AFF3: variants seen among roughly 807,000 people sequenced by gnomAD.
The protein encoded by AFF3 is ALF transcription elongation factor 3, also known as AF4/FMR2 family member 3.
In AFF3, 32 loss-of-function variants were observed where a neutral mutation model predicts 129.7. That is an observed-to-expected ratio of 0.25 (90% CI 0.19 to 0.33). AFF3 has a LOEUF of 0.33. Ranked by LOEUF, AFF3 falls within the 10% of genes least tolerant of loss-of-function variation. The pLI is 1.00. For missense variants in AFF3, 1,373 were observed against 1,592.0 expected, an observed-to-expected ratio of 0.86 and a Z score of 2.34; for synonymous variants, 644 against 635.4, an observed-to-expected ratio of 1.01 and a Z score of -0.20.
Position 99,568,879 on chromosome 2 carries a change from T to A in AFF3, c.2955A>T (p.Lys985Asn). The change falls in exon 19 of 25, where the codon AAA (lysine) becomes AAT (asparagine). Residue 985 changes from lysine (K) to asparagine (N), a missense_variant. Lys to Asn is a moderately conservative substitution (Grantham distance 94, BLOSUM62 0). Coordinates refer to ENST00000672756, the MANE Select transcript of AFF3 (RefSeq NM_001386135.1). ...RSADYFMQEA[K>N]RMKHKADAMV... ...TTGCATCTGCTTTATGCTTCATTCG[T>A]TTAGCTTCTTGCATAAAATAATCGG... The A allele has an allele frequency of 6.2e-7, 1 of 1,614,174 alleles. No individual in the cohort carries two copies. Among genetic ancestry groups the A allele is most frequent in the Non-Finnish European group, 8.5e-7 (1 of 1,180,008 alleles).
chr2:100,079,975 C>T (rs910454253), intron 4 of AFF3, among the ~76,000 whole-genome samples: 2 of 152,336 alleles, frequency 1.3e-5, no homozygotes, highest in East Asian at 3.9e-4. Flanking sequence ...TTCACTGTGA[C>T]TCTTGTCACT....
At chr2:99,807,824 AGGGGT>A (rs1251469926) in intron 8 of AFF3, among the ~76,000 whole-genome samples, 1 of 151,960 alleles carries the variant, frequency 6.6e-6, no homozygotes, top group African/African-American at 2.4e-5. Flanking sequence ...TGTGAGAACC[AGGGGT>A]CAACCTACCC....
intron 7 of AFF3, among the ~76,000 whole-genome samples, chr2:99,992,699 T>C (rs1169560505): frequency 6.6e-6 from 1 of 152,236 alleles, no homozygotes; most frequent in Non-Finnish European, 1.5e-5. Flanking sequence ...ACCTATTAGA[T>C]CTTGGGCTCA....
chr2:99,969,967 G>A (rs529663118), intron 7 of AFF3, among the ~76,000 whole-genome samples: 2 of 152,138 alleles, frequency 1.3e-5, no homozygotes, highest in Non-Finnish European at 2.9e-5. Flanking sequence ...TCCTCTTGCA[G>A]GCATTCTCTG....
chr2:100,060,521 C>G (rs1279044413), intron 4 of AFF3, among the ~76,000 whole-genome samples: 1 of 152,118 alleles, frequency 6.6e-6, no homozygotes, highest in African/African-American at 2.4e-5. Context: ...TGCTGAAATA[C>G]AGGTAACACT....
intron 7 of AFF3, among the ~76,000 whole-genome samples, chr2:99,886,674 G>T (rs1177856638): frequency 2.0e-5 from 3 of 152,040 alleles, no homozygotes; most frequent in African/African-American, 7.2e-5. Context: ...CACGCTTCAT[G>T]AACAAGTTTT....
intron 7 of AFF3, among the ~76,000 whole-genome samples, chr2:99,927,830 G>A (rs1191532861): frequency 1.3e-5 from 2 of 152,178 alleles, no homozygotes; most frequent in Non-Finnish European, 2.9e-5. Flanking sequence ...GACTGATATG[G>A]TTTGGGTGGT....
At chr2:100,049,337 C>T (rs753430769) in intron 4 of AFF3, among the ~76,000 whole-genome samples, 2 of 152,092 alleles carry the variant, frequency 1.3e-5, no homozygotes, top group Non-Finnish European at 2.9e-5. Flanking sequence ...GGGGACATTC[C>T]GCAAGACCTA....
intron 4 of AFF3, among the ~76,000 whole-genome samples, chr2:100,070,357 G>GT (rs1350963776): frequency 6.6e-6 from 1 of 152,168 alleles, no homozygotes; most frequent in Non-Finnish European, 1.5e-5. Context: ...TGAAACCATC[G>GT]TTGCTATAAT....
intron 11 of AFF3, among the ~76,000 whole-genome samples, chr2:99,681,173 T>C (rs982979828): frequency 6.6e-6 from 1 of 152,316 alleles, no homozygotes; most frequent in Admixed American, 6.5e-5. Flanking sequence ...AGAGCTGGAC[T>C]GACTCATAAG....
At chr2:99,664,527 C>CT (rs1425959625) in intron 12 of AFF3, among the ~76,000 whole-genome samples, 1 of 152,148 alleles carries the variant, frequency 6.6e-6, no homozygotes, top group Non-Finnish European at 1.5e-5. Context: ...GGATAAATGC[C>CT]TTTTTTCTCA....
chr2:99,711,107 G>A (rs948560548), intron 11 of AFF3, among the ~76,000 whole-genome samples: 14 of 152,242 alleles, frequency 9.2e-5, no homozygotes, highest in Non-Finnish European at 1.3e-4. Flanking sequence ...TGACAGTAGG[G>A]AGGGAGGGCA....
intron 7 of AFF3, among the ~76,000 whole-genome samples, chr2:99,969,499 A>ATTTATTTT (rs1553491646): frequency 6.6e-6 from 1 of 151,794 alleles, no homozygotes; most frequent in African/African-American, 2.4e-5. Flanking sequence ...TTATTTATTT[A>ATTTATTTT]TTTTTTGAGA....
At position 100,023,052 on chromosome 2, in the gene AFF3, C is replaced by A. The variant is rs1382884823; in HGVS notation, c.54-14120G>T. Among the ~76,000 whole-genome samples the A allele has an allele frequency of 1.9e-4, 29 of 152,218 alleles. 1 individual carries two copies. The highest frequency in any genetic ancestry group is 1.9e-3 in the Admixed American group (29 of 15,288). On this transcript the variant is annotated intron_variant, in intron 4 of 24. Transcript: ENST00000672756. Reference sequence around the variant, plus strand: ...CATCTGGGTTTCCCAGCTGTCTGGGCCCTTTGGGGTCTCCATCCACTGGAC... The same window carrying A: ...CATCTGGGTTTCCCAGCTGTCTGGGACCTTTGGGGTCTCCATCCACTGGAC...
chr2:99,734,456 G>C (rs1680089512), intron 10 of AFF3, among the ~76,000 whole-genome samples: 1 of 151,988 alleles, frequency 6.6e-6, no homozygotes, highest in Non-Finnish European at 1.5e-5. Context: ...TCCTCATCTT[G>C]AGGGGAACGC....
At chr2:99,649,128 C>A (rs527750144) in intron 13 of AFF3, among the ~76,000 whole-genome samples, 1 of 151,810 alleles carries the variant, frequency 6.6e-6, no homozygotes, top group Admixed American at 6.6e-5. Context: ...CAGTAACACG[C>A]GCCAGGAGAA....
intron 11 of AFF3, among the ~76,000 whole-genome samples, chr2:99,719,522 T>C (rs1328021841): frequency 1.3e-5 from 2 of 152,216 alleles, no homozygotes; most frequent in Non-Finnish European, 2.9e-5. Context: ...AAAGTTTGTA[T>C]AAGAGTGTTA....
At chr2:99,746,951 TTA>T (rs1681207297) in intron 9 of AFF3, among the ~76,000 whole-genome samples, 1 of 150,850 alleles carries the variant, frequency 6.6e-6, no homozygotes, top group Non-Finnish European at 1.5e-5. Flanking sequence ...TTAAGCTTAT[TTA>T]AAAAAAAAAA....
chr2:100,017,603 A>G (rs903000390), intron 4 of AFF3, among the ~76,000 whole-genome samples: 4 of 152,222 alleles, frequency 2.6e-5, no homozygotes, highest in African/African-American at 9.6e-5. Context: ...CAGTCACCCC[A>G]AATAATTTTC....
Sources: allele counts gnomAD v4.1 joint callset (sites outside exome capture counted in the v4.1 genomes callset), GRCh38; gene constraint gnomAD v4.1.1; transcripts MANE v1.5; gene names NCBI Gene and HGNC (gene_info 2026-07-23, HGNC 2026-07-21).